Variants in PPARG observed in about 807,000 individuals in gnomAD.
PPARG encodes the protein peroxisome proliferator-activated receptor gamma.
PPARG carries 17 observed loss-of-function variants against 39.2 expected under a neutral mutation model. The observed-to-expected ratio is 0.43, with a 90% CI of 0.30 to 0.65. The LOEUF is 0.65. Ranked by LOEUF, PPARG falls within the 30% of genes least tolerant of loss-of-function variation. The pLI is 0.13. For synonymous variants in PPARG, 223 were observed against 215.7 expected, an observed-to-expected ratio of 1.03 and a Z score of -0.30; for missense variants, 406 against 585.9, an observed-to-expected ratio of 0.69 and a Z score of 3.17.
At chr3:12,423,760 G>C (rs1444360133) in intron 7 of PPARG, among the ~76,000 whole-genome samples, 4 of 152,226 alleles carry the variant, frequency 2.6e-5, no homozygotes, top group Non-Finnish European at 5.9e-5. Flanking sequence ...CATCCGTAGA[G>C]GGTTTTTGGA....
intron 2 of PPARG, among the ~76,000 whole-genome samples, chr3:12,348,400 T>C (rs2048386611): frequency 6.6e-6 from 1 of 152,240 alleles, no homozygotes; most frequent in Non-Finnish European, 1.5e-5. Flanking sequence ...AGACAGGTTC[T>C]GTGAAGTAAT....
intron 7 of PPARG, among the ~76,000 whole-genome samples, chr3:12,429,157 T>C (rs2051563905): frequency 6.6e-6 from 1 of 152,146 alleles, no homozygotes; most frequent in Non-Finnish European, 1.5e-5. Context: ...GAAAATATAC[T>C]TACTCCGTGG....
At chr3:12,335,246 G>C (rs17036314) in intron 2 of PPARG, among the ~76,000 whole-genome samples, 38,292 of 152,036 alleles carry the variant, frequency 0.25, 4,945 homozygotes, top group East Asian at 0.33. Flanking sequence ...AGAGTTGGTA[G>C]TAATTCCAGA....
intron 6 of PPARG, among the ~76,000 whole-genome samples, chr3:12,409,504 T>C (rs976253784): frequency 2.0e-5 from 3 of 152,190 alleles, no homozygotes; most frequent in African/African-American, 7.2e-5. Context: ...TGATAGCATC[T>C]ATCTCAGGGG....
chr3:12,357,315 G>A (rs563404043), intron 2 of PPARG, among the ~76,000 whole-genome samples: 2 of 152,074 alleles, frequency 1.3e-5, no homozygotes, highest in Non-Finnish European at 1.5e-5. Flanking sequence ...CTCCAAGCAC[G>A]CCGGCCTCCT....
intron 7 of PPARG, among the ~76,000 whole-genome samples, chr3:12,420,404 T>C (rs2051220635): frequency 6.6e-6 from 1 of 152,244 alleles, no homozygotes; most frequent in East Asian, 1.9e-4. Flanking sequence ...AAATTTCTGA[T>C]CCTACCCAGT....
At position 12,434,089 on chromosome 3, in the gene PPARG, G is replaced by C; in HGVS notation, c.1372G>C (p.Glu458Gln). ...GCTACTGCAGGTGATCAAGAAGACG[G>C]AGACAGACATGAGTCTTCACCCGCT... Reference protein sequence around the residue: ...VQLLQVIKKTETDMSLHPLLQ... With the variant: ...VQLLQVIKKTQTDMSLHPLLQ... The change falls in exon 8 of 8, where the codon GAG becomes CAG. Residue 458 changes from glutamate to glutamine, a missense_variant. By Grantham distance (29) the Glu-to-Gln change is conservative. Coordinates refer to ENST00000651735, the MANE Select transcript of PPARG (RefSeq NM_138711.6). This position sits in a 1 kb window ranked among gnomAD's most constrained non-coding sequence, Gnocchi z 4.2. The C allele has an allele frequency of 6.2e-7, 1 of 1,614,164 alleles. No homozygotes were observed. The highest frequency in any genetic ancestry group is 8.5e-7 in the Non-Finnish European group (1 of 1,180,016).
intron 2 of PPARG, among the ~76,000 whole-genome samples, chr3:12,359,538 C>T (rs1217976448): frequency 6.6e-6 from 1 of 152,070 alleles, no homozygotes; most frequent in Non-Finnish European, 1.5e-5. Flanking sequence ...TGACGTAGGC[C>T]TCAGAATTTG....
chr3:12,346,957 A>AAATAATATAAAC (rs2048345040), intron 2 of PPARG, among the ~76,000 whole-genome samples: 2 of 152,256 alleles, frequency 1.3e-5, no homozygotes, highest in Non-Finnish European at 2.9e-5. Context: ...CTTTAAATCA[A>AAATAATATAAAC]AATAATATAA....
chr3:12,352,960 A>G (rs2048535541), intron 2 of PPARG, among the ~76,000 whole-genome samples: 1 of 152,240 alleles, frequency 6.6e-6, no homozygotes, highest in South Asian at 2.1e-4. Flanking sequence ...CTATACTGTG[A>G]AATAGTTCTT....
At chr3:12,338,341 T>A (rs1371359323) in intron 2 of PPARG, among the ~76,000 whole-genome samples, 1 of 152,242 alleles carries the variant, frequency 6.6e-6, no homozygotes, top group African/African-American at 2.4e-5. Context: ...ACAAATTATG[T>A]CTCCTCTTTT....
rs186350654 is a variant in PPARG at position 12,320,217 on chromosome 3, C to T, written c.-9+7764C>T. Among the ~76,000 whole-genome samples, 274 of 152,230 alleles carry T rather than the reference C, an allele frequency of 1.8e-3. 1 individual carries two copies. The highest frequency in any genetic ancestry group is 5.1e-3 in the African/African-American group (210 of 41,524). ...CATCTTGGACATTTATGTATATATA[C>T]GTGCATATATATATGTATGTATGTA... is the stretch of plus-strand genomic sequence containing the variant. On this transcript the variant is annotated intron_variant, in intron 2 of 7. Coordinates refer to ENST00000651735, the MANE Select transcript of PPARG (RefSeq NM_138711.6).
rs757444052 is a variant in PPARG, at chr3:12,416,860, G to A, written c.886G>A (p.Glu296Lys). The change falls in exon 7 of 8, where the codon GAG becomes AAG. Residue 296 changes from glutamate (E) to lysine (K), a missense_variant. Transcript: ENST00000651735. ...RSVEAVQEIT[E>K]YAKSIPGFVN... ...CGTGGAGGCTGTGCAGGAGATCACA[G>A]AGTATGCCAAAAGCATTCCTGGTTT... is the stretch of plus-strand genomic sequence containing the variant. 8 of 1,614,056 alleles carry A rather than the reference G, an allele frequency of 5.0e-6. No homozygotes were observed. The Admixed American group carries it at 1.0e-4, about 20-fold the overall frequency.
chr3:12,383,118 C>G (rs557029703), intron 4 of PPARG, among the ~76,000 whole-genome samples: 1 of 152,234 alleles, frequency 6.6e-6, no homozygotes. Flanking sequence ...TGCCACTTTC[C>G]AAAGTCATTA....
chr3:12,431,166 A>G (rs1006416566), intron 7 of PPARG, among the ~76,000 whole-genome samples: 3 of 152,228 alleles, frequency 2.0e-5, no homozygotes, highest in Admixed American at 1.3e-4. Context: ...ATCTAACCCA[A>G]GGCAACAAAC....
chr3:12,360,574 C>CCA (rs544054568), intron 2 of PPARG, among the ~76,000 whole-genome samples: 2 of 126,814 alleles, frequency 1.6e-5, no homozygotes, highest in African/African-American at 3.1e-5. Flanking sequence ...AGCACCCAGA[C>CCA]AAAAAAAAAA....
Position 12,399,039 on chromosome 3 carries a change from G to T in PPARG, c.529+6287G>T, listed in dbSNP as rs534829926. Reference sequence around the variant, plus strand: ...AGTACAGAGAGGCACACTAGAGAAAGACTCATCTGTGTAATATACCCAGTC... The same window carrying T: ...AGTACAGAGAGGCACACTAGAGAAATACTCATCTGTGTAATATACCCAGTC... On this transcript the variant is annotated intron_variant, in intron 5 of 7. Transcript: ENST00000651735. 3.3e-5 allele frequency among the ~76,000 whole-genome samples: 5 copies of T among 152,298 alleles called. No homozygotes were observed. The East Asian group carries it at 9.7e-4, about 29-fold the overall frequency.
At chr3:12,357,647 A>G (rs554589926) in intron 2 of PPARG, among the ~76,000 whole-genome samples, 1 of 152,320 alleles carries the variant, frequency 6.6e-6, no homozygotes, top group East Asian at 1.9e-4. Context: ...CCTCCCTGGA[A>G]TGTTAACCGC....
chr3:12,322,825 A>AG (rs2047583196), intron 2 of PPARG, among the ~76,000 whole-genome samples: 1 of 152,148 alleles, frequency 6.6e-6, no homozygotes, highest in Admixed American at 6.5e-5. Flanking sequence ...TTTTTCAGAC[A>AG]GGGTCTCACT....
Sources: allele counts gnomAD v4.1 joint callset (sites outside exome capture counted in the v4.1 genomes callset), GRCh38; gene constraint gnomAD v4.1.1; non-coding constraint Gnocchi (gnomAD v3.1); transcripts MANE v1.5; gene names NCBI Gene and HGNC (gene_info 2026-07-23, HGNC 2026-07-21).